RAPGEF1: variants seen among roughly 807,000 people sequenced by gnomAD.
The protein encoded by RAPGEF1 is Rap guanine nucleotide exchange factor 1, also known as CRK SH3-binding GNRP.
Under a neutral mutation model 143.3 loss-of-function variants are expected in RAPGEF1, and 33 were observed. That is an observed-to-expected ratio of 0.23 (90% CI 0.17 to 0.31). RAPGEF1 has a LOEUF of 0.31. RAPGEF1 is among the 10% of genes least tolerant of loss of function. The pLI is 1.00. For missense variants in RAPGEF1, 1,199 were observed against 1,645.4 expected, an observed-to-expected ratio of 0.73 and a Z score of 4.69; for synonymous variants, 629 against 676.5, an observed-to-expected ratio of 0.93 and a Z score of 1.09.
Position 131,580,403 on chromosome 9 carries a change from G to A in RAPGEF1, c.3513-12C>T, listed in dbSNP as rs200486325. ...GCAGGATCAGCCCCCTGGGAGGACG[G>A]GTTAGGCAGCCTGTTACTGCTACGG... On this transcript the variant is annotated splice_polypyrimidine_tract_variant and intron_variant, in intron 25 of 26. Transcript: ENST00000683357. 1 of 1,611,794 alleles carries A rather than the reference G, an allele frequency of 6.2e-7. No individual in the cohort carries two copies.
rs905393865 is a variant in RAPGEF1, at chr9:131,667,675, C to A, written c.62-16726G>T. Among the ~76,000 whole-genome samples, 5 of 152,170 alleles carry A rather than the reference C, an allele frequency of 3.3e-5. No individual in the cohort carries two copies. Among genetic ancestry groups the A allele is most frequent in the African/African-American group, 9.7e-5 (4 of 41,430 alleles). On this transcript the variant is annotated intron_variant, in intron 1 of 26. Transcript: ENST00000683357. This position sits in a 1 kb window ranked among gnomAD's most constrained non-coding sequence, Gnocchi z 4.6. ...CATGTCCTATGGCTATGACATGGGG[C>A]AAACAGAAGTGGCACTCATCTCTAC... is the stretch of plus-strand genomic sequence containing the variant.
In RAPGEF1 at chr9:131,584,477, G is replaced by A. The variant is rs749775835; in HGVS notation, c.3312+41C>T. The A allele has an allele frequency of 2.5e-6, 4 of 1,612,628 alleles. No individual in the cohort carries two copies. The East Asian group carries it at 8.9e-5, about 36-fold the overall frequency. On this transcript the variant is annotated intron_variant, in intron 23 of 26. Coordinates refer to ENST00000683357, the MANE Select transcript of RAPGEF1 (RefSeq NM_001377935.1). The surrounding 1 kb of genome is among the most constrained non-coding windows in gnomAD (Gnocchi z 6.8). Reference sequence around the variant, plus strand: ...GCGGGTCCCGGGCTCCCAGAGCAGGGACTGATGATGGGGGCCTGGGAAGGA... The same window carrying A: ...GCGGGTCCCGGGCTCCCAGAGCAGGAACTGATGATGGGGGCCTGGGAAGGA...
chr9:131,714,529 A>G (rs1356389565), intron 1 of RAPGEF1, among the ~76,000 whole-genome samples: 2 of 152,044 alleles, frequency 1.3e-5, no homozygotes, highest in Non-Finnish European at 2.9e-5. Context: ...TCCTGGAGAA[A>G]AATACAACAA....
At chr9:131,715,586 A>G (rs936835543) in intron 1 of RAPGEF1, among the ~76,000 whole-genome samples, 18 of 152,088 alleles carry the variant, frequency 1.2e-4, no homozygotes, top group African/African-American at 2.9e-4. Flanking sequence ...ATGGCCGGGC[A>G]CGGTGGCTCA....
chr9:131,662,664 G>T (rs1049816306), intron 1 of RAPGEF1, among the ~76,000 whole-genome samples: 1 of 151,428 alleles, frequency 6.6e-6, no homozygotes, highest in Non-Finnish European at 1.5e-5. Context: ...TCAGCCTCCT[G>T]AGTAGCTGGG....
rs774163471 is a variant in RAPGEF1, at chr9:131,579,469, G to A, written c.*28C>T. 1.9e-6 allele frequency: 3 copies of A among 1,611,010 alleles called. No homozygotes were observed. The highest frequency in any genetic ancestry group is 3.4e-5 in the Admixed American group (2 of 59,662). Reference sequence around the variant, plus strand: ...GGGAGCTGCCCTCTGCGCCCCTCGAGCATTCTCCTGGATCCCGGCGTCTGC... The same window carrying A: ...GGGAGCTGCCCTCTGCGCCCCTCGAACATTCTCCTGGATCCCGGCGTCTGC... On this transcript the variant is annotated 3_prime_UTR_variant, in exon 27 of 27. Transcript: ENST00000683357.
chr9:131,739,939 G>A lies in RAPGEF1; in HGVS notation c.-109C>T, dbSNP rs2131379722. On this transcript the variant is annotated 5_prime_UTR_variant, in exon 1 of 27. Coordinates refer to ENST00000683357, the MANE Select transcript of RAPGEF1 (RefSeq NM_001377935.1). The stretch of plus-strand genomic sequence containing the variant: ...CGCGCCGGCATGGCGGGCTCCGCGC[G>A]GCCGCGGCCCTGCGCTCGGCGACCG... The A allele has an allele frequency of 6.3e-6, 4 of 631,214 alleles. No homozygotes were observed. Among genetic ancestry groups the A allele is most frequent in the South Asian group, 6.8e-5 (1 of 14,608 alleles). The allele number at this position is 631,214 out of a possible 1,614,324, so 39.1% of individuals were successfully genotyped here.
chr9:131,646,477 G>C (rs549646771), intron 3 of RAPGEF1, among the ~76,000 whole-genome samples: 7 of 152,334 alleles, frequency 4.6e-5, no homozygotes, highest in African/African-American at 1.4e-4. Context: ...TGCCCCGTGG[G>C]CCATATTCAT....
At position 131,650,769 on chromosome 9, in the gene RAPGEF1, GA is replaced by G. The variant is rs781422261; in HGVS notation, c.201+40del. 24 of 1,604,626 alleles carry G rather than the reference GA, an allele frequency of 1.5e-5. No individual in the cohort carries two copies. Among genetic ancestry groups the G allele is most frequent in the Middle Eastern group, 3.7e-4 (2 of 5,428 alleles). On this transcript the variant is annotated intron_variant, in intron 2 of 26. Transcript: ENST00000683357. This position sits in a 1 kb window ranked among gnomAD's most constrained non-coding sequence, Gnocchi z 4.7. Reference sequence around the variant, plus strand: ...CAAATCGCACAAACTCATATTGCTGGAAGCAGGTGAGGCCAGGAGAAACATC... The same window carrying G: ...CAAATCGCACAAACTCATATTGCTGGAGCAGGTGAGGCCAGGAGAAACATC...
intron 17 of RAPGEF1, among the ~76,000 whole-genome samples, chr9:131,593,185 G>C (rs560539058): frequency 6.6e-6 from 1 of 152,306 alleles, no homozygotes; most frequent in Admixed American, 6.5e-5. Context: ...GTGTGGGCTG[G>C]CAGCTCCAGC....
chr9:131,697,543 GTA>G (rs1417308638), intron 1 of RAPGEF1, among the ~76,000 whole-genome samples: 2 of 152,170 alleles, frequency 1.3e-5, no homozygotes, highest in Non-Finnish European at 2.9e-5. Context: ...GGGCTGTCAG[GTA>G]TACACCCAGG....
At chr9:131,685,927 T>G (rs894557981) in intron 1 of RAPGEF1, among the ~76,000 whole-genome samples, 1 of 152,044 alleles carries the variant, frequency 6.6e-6, no homozygotes, top group East Asian at 1.9e-4. Context: ...GGCAAATCAC[T>G]CTCCAATTTA....
intron 4 of RAPGEF1, among the ~76,000 whole-genome samples, 190 bp downstream of exon 4, chr9:131,643,049 T>C (rs761869280): frequency 2.0e-5 from 3 of 151,386 alleles, no homozygotes; most frequent in Non-Finnish European, 2.9e-5. Context: ...GCTTCAGGAG[T>C]AATAGTGACC....
At chr9:131,696,313 G>GA (rs1196163472) in intron 1 of RAPGEF1, among the ~76,000 whole-genome samples, 1 of 152,198 alleles carries the variant, frequency 6.6e-6, no homozygotes, top group African/African-American at 2.4e-5. Context: ...TGCTCATGTA[G>GA]ACAAAGACCT....
rs551857725 is a variant in RAPGEF1 at position 131,645,939 on chromosome 9, TG to T, written c.316-2523del. Among the ~76,000 whole-genome samples the T allele has an allele frequency of 2.6e-5, 4 of 152,202 alleles. No individual in the cohort carries two copies. In the South Asian group the frequency reaches 8.3e-4, roughly 32 times the overall value. The stretch of plus-strand genomic sequence containing the variant: ...CCCCGTGTAACTAAAGAGGTGACTG[TG>T]GGGGACTGAATGAGAAAGCATATGA... On this transcript the variant is annotated intron_variant, in intron 3 of 26. Transcript: ENST00000683357.
At chr9:131,719,807 C>T (rs1836133987) in intron 1 of RAPGEF1, among the ~76,000 whole-genome samples, 1 of 151,838 alleles carries the variant, frequency 6.6e-6, no homozygotes, top group Non-Finnish European at 1.5e-5. Context: ...CATAGTCATA[C>T]ACCGAATTGG....
At chr9:131,681,412 G>A (rs1008630901) in intron 1 of RAPGEF1, among the ~76,000 whole-genome samples, 1 of 152,094 alleles carries the variant, frequency 6.6e-6, no homozygotes, top group Non-Finnish European at 1.5e-5. Flanking sequence ...CAGATCAACA[G>A]GGAAATATTA....
At chr9:131,614,639 C>T (rs4740296) in intron 12 of RAPGEF1, among the ~76,000 whole-genome samples, 15,829 of 152,294 alleles carry the variant, frequency 0.1, 1,050 homozygotes, top group East Asian at 0.26. Flanking sequence ...AGCGAGGGGA[C>T]GCCATGGCAT....
At position 131,621,040 on chromosome 9, in the gene RAPGEF1, C is replaced by G. The variant is rs994535770; in HGVS notation, c.1905+756G>C. Among the ~76,000 whole-genome samples the G allele has an allele frequency of 6.6e-6, 1 of 152,194 alleles. No individual in the cohort carries two copies. The highest frequency in any genetic ancestry group is 1.5e-5 in the Non-Finnish European group (1 of 68,024). The stretch of plus-strand genomic sequence containing the variant: ...TGGACAAGAGGCTCAGATCTTCAAA[C>G]CTGACTAGGGCCCTCCATGTTCATT... On this transcript the variant is annotated intron_variant, in intron 11 of 26. Coordinates refer to ENST00000683357, the MANE Select transcript of RAPGEF1 (RefSeq NM_001377935.1). This position sits in a 1 kb window ranked among gnomAD's most constrained non-coding sequence, Gnocchi z 4.5.
Sources: gnomAD v4.1 joint callset for allele counts (sites outside exome capture counted in the v4.1 genomes callset) on GRCh38, gnomAD v4.1.1 for gene constraint, Gnocchi (gnomAD v3.1) non-coding constraint, MANE v1.5 for transcripts, NCBI Gene and HGNC (gene_info 2026-07-23, HGNC 2026-07-21) for gene names.